SERPINA12: variants seen among roughly 807,000 people sequenced by gnomAD.
The protein encoded by SERPINA12 is serpin A12.
SERPINA12 carries 21 observed loss-of-function variants against 25.9 expected under a neutral mutation model. That is an observed-to-expected ratio of 0.81 (90% CI 0.58 to 1.17). The LOEUF (loss-of-function observed/expected upper bound fraction) is 1.17. SERPINA12 is among the 50% of genes most tolerant of loss of function. SERPINA12 has a pLI of 0.00. For missense variants in SERPINA12, 562 were observed against 508.3 expected, an observed-to-expected ratio of 1.11 and a Z score of -1.02; for synonymous variants, 220 against 196.0, an observed-to-expected ratio of 1.12 and a Z score of -1.02.
At chr14:94,495,070 T>A (rs1377413332) in intron 3 of SERPINA12, among the ~76,000 whole-genome samples, 1 of 133,678 alleles carries the variant, frequency 7.5e-6, no homozygotes, top group African/African-American at 3.2e-5. Flanking sequence ...CTTTCTTTTT[T>A]TTTTTTTTTT....
chr14:94,500,993 C>T (rs1039098540), intron 1 of SERPINA12: 1 of 984,692 alleles, frequency 1.0e-6, no homozygotes, highest in African/African-American at 1.7e-5. Context: ...CCTGGGTGCT[C>T]TCTAAGCACC....
chr14:94,493,345 T>G (rs929982222), intron 3 of SERPINA12, among the ~76,000 whole-genome samples: 1 of 152,206 alleles, frequency 6.6e-6, no homozygotes, highest in Non-Finnish European at 1.5e-5. Context: ...AGGTGGACAA[T>G]ACCCTGTCTG....
intron 3 of SERPINA12, among the ~76,000 whole-genome samples, chr14:94,495,307 A>T (rs1900367874): frequency 6.6e-6 from 1 of 151,730 alleles, no homozygotes; most frequent in African/African-American, 2.4e-5. Flanking sequence ...TGACCTCGTG[A>T]TCCGCCCGCC....
At chr14:94,510,128 C>T (rs996155937), upstream of SERPINA12, 1 of 985,420 alleles carries the variant, frequency 1.0e-6, no homozygotes, top group Non-Finnish European at 1.2e-6. Context: ...CTGGAGAAGC[C>T]ATCCCTTCCT....
chr14:94,511,665 C>G, upstream of SERPINA12: 2 of 985,452 alleles, frequency 2.0e-6, no homozygotes, highest in Non-Finnish European at 2.4e-6. Flanking sequence ...TCTCACCTGC[C>G]TTTCCCTCAT....
intron 2 of SERPINA12, among the ~76,000 whole-genome samples, chr14:94,514,976 G>A (rs887768728): frequency 9.2e-5 from 14 of 152,184 alleles, no homozygotes; most frequent in East Asian, 1.9e-4. Flanking sequence ...CACGGTGGCC[G>A]GAGAAATGGT....
intron 2 of SERPINA12, 111 bp downstream of exon 2, chr14:94,497,653 A>T: frequency 1.0e-6 from 1 of 985,076 alleles, no homozygotes; most frequent in Non-Finnish European, 1.5e-6. Flanking sequence ...TTTGAGAGAT[A>T]AATCACATAT....
chr14:94,510,136 C>T, upstream of SERPINA12: 1 of 985,436 alleles, frequency 1.0e-6, no homozygotes, highest in Non-Finnish European at 1.2e-6. Flanking sequence ...GCCATCCCTT[C>T]CTCTGGTTCT....
At chr14:94,489,540 C>T in intron 4 of SERPINA12, 80 bp downstream of exon 4, 1 of 1,505,684 alleles carries the variant, frequency 6.6e-7, no homozygotes, top group Non-Finnish European at 9.0e-7. Context: ...CTCTGACAGC[C>T]ACTGTGACCC....
intron 1 of SERPINA12, chr14:94,517,395 A>G (rs1901263002): frequency 6.6e-6 from 1 of 151,956 alleles, no homozygotes; most frequent in African/African-American, 2.4e-5. Flanking sequence ...CTATAACTTC[A>G]CTCACCTTAT....
intron 1 of SERPINA12, among the ~76,000 whole-genome samples, chr14:94,516,901 G>A (rs371197495): frequency 6.6e-6 from 1 of 152,142 alleles, no homozygotes; most frequent in Non-Finnish European, 1.5e-5. Flanking sequence ...GGGAGGGGCA[G>A]TTTCTATAGG....
Position 94,497,761 on chromosome 14 carries a change from T to C in SERPINA12, c.634+3A>G. On this transcript the variant is annotated splice_donor_region_variant and intron_variant, in intron 2 of 4. Transcript: ENST00000677451. ...TTCCACACCAACATGCCAAAAGCCT[T>C]ACCTCGAAAGAAAATATAATTTGCA... 1 of 1,597,908 alleles carries C rather than the reference T, an allele frequency of 6.3e-7. No individual in the cohort carries two copies. The highest frequency in any genetic ancestry group is 8.5e-7 in the Non-Finnish European group (1 of 1,172,478).
At chr14:94,501,060 G>A (rs1900698586) in intron 1 of SERPINA12, 2 of 985,350 alleles carry the variant, frequency 2.0e-6, no homozygotes, top group Non-Finnish European at 2.4e-6. Flanking sequence ...TGATGAACAA[G>A]GGCTCTATGG....
Position 94,487,510 on chromosome 14 carries a change from G to A in SERPINA12, c.1054-16C>T, listed in dbSNP as rs748887533. ...TGTGCACAGCCTACGGAAGCCAAGG[G>A]CAAAGTCAAGGTCTGCCAAGCTCCT... On this transcript the variant is annotated splice_polypyrimidine_tract_variant and intron_variant, in intron 4 of 4. Transcript: ENST00000677451. 1.9e-6 allele frequency: 3 copies of A among 1,591,320 alleles called. No homozygotes were observed. Among genetic ancestry groups the A allele is most frequent in the Non-Finnish European group, 2.6e-6 (3 of 1,169,074 alleles).
At chr14:94,516,728 C>T (rs796914125) in intron 1 of SERPINA12, among the ~76,000 whole-genome samples, 7 of 152,290 alleles carry the variant, frequency 4.6e-5, no homozygotes, top group African/African-American at 1.4e-4. Context: ...AGTTTCTGTC[C>T]CCAAGACCTA....
upstream of SERPINA12, among the ~76,000 whole-genome samples, chr14:94,514,024 C>G (rs1901171301): frequency 6.6e-6 from 1 of 152,128 alleles, no homozygotes; most frequent in Non-Finnish European, 1.5e-5. Context: ...CACCCCACAT[C>G]TCAGCACATC....
At chr14:94,503,827 A>T (rs565666594) in intron 1 of SERPINA12, among the ~76,000 whole-genome samples, 1 of 152,260 alleles carries the variant, frequency 6.6e-6, no homozygotes, top group African/African-American at 2.4e-5. Flanking sequence ...TGTGGCCAGC[A>T]TCATGCAGCA....
upstream of SERPINA12, among the ~76,000 whole-genome samples, chr14:94,510,871 C>T (rs1265202533): frequency 6.6e-6 from 1 of 152,104 alleles, no homozygotes; most frequent in Admixed American, 6.5e-5. Context: ...CATGTTCTTG[C>T]CCATAAGTGG....
rs755586418 is a variant in SERPINA12 at position 94,497,807 on chromosome 14, G to T, written c.591C>A (p.Asp197Glu). 2.5e-6 allele frequency: 4 copies of T among 1,613,650 alleles called. No homozygotes were observed. Among genetic ancestry groups the T allele is most frequent in the Non-Finnish European group, 3.4e-6 (4 of 1,179,898 alleles). ...TTGCAAGAAGCATCACAGTGCCGGG[G>T]TCTATATTCTCGATCAGGTTGTTAA... ...GKINNLIENIDPGTVMLLANY... is the reference protein window; with the variant it reads ...GKINNLIENIEPGTVMLLANY... Residue 197 changes from aspartate to glutamate, a missense_variant, in exon 2 of 5, where the codon GAC (aspartate) becomes GAA (glutamate). Physicochemically the swap from Asp to Glu is conservative, Grantham distance 45. Coordinates refer to ENST00000677451, the MANE Select transcript of SERPINA12 (RefSeq NM_001382267.1).
Sources: allele counts gnomAD v4.1 joint callset (sites outside exome capture counted in the v4.1 genomes callset), GRCh38; gene constraint gnomAD v4.1.1; transcripts MANE v1.5; gene names NCBI Gene and HGNC (gene_info 2026-07-23, HGNC 2026-07-21).